Variants in PRTG observed in about 807,000 individuals in gnomAD.
PRTG encodes protogenin.
PRTG carries 67 observed loss-of-function variants against 122.5 expected under a neutral mutation model. The ratio of observed to expected loss-of-function variants is 0.55; its 90% CI spans 0.45 to 0.67. PRTG has a LOEUF of 0.67. PRTG is among the 30% of genes least tolerant of loss of function. The pLI is 0.00. For synonymous variants in PRTG, 554 were observed against 501.1 expected (o/e 1.11, Z -1.41); for missense variants, 1,435 against 1,415.4 (o/e 1.01, Z -0.22).
intron 11 of PRTG, 122 bp downstream of exon 11, chr15:55,672,323 A>C: frequency 2.5e-6 from 2 of 789,662 alleles, no homozygotes; most frequent in Admixed American, 2.6e-5. Flanking sequence ...ACACTGACAT[A>C]GTAAAATCAA....
chr15:55,702,581 C>T (rs2029932983), intron 2 of PRTG, among the ~76,000 whole-genome samples: 1 of 152,114 alleles, frequency 6.6e-6, no homozygotes, highest in South Asian at 2.1e-4. Context: ...GTTTAAATTA[C>T]TTTATAACAC....
chr15:55,679,531 A>G (rs1416332097), intron 6 of PRTG, 86 bp from the exon 7 acceptor site: 3 of 996,274 alleles, frequency 3.0e-6, no homozygotes, highest in African/African-American at 3.3e-5. Flanking sequence ...CAAATGAAAC[A>G]AGCCCCATTC....
chr15:55,680,677 T>C (rs377215088), intron 4 of PRTG, 49 bp from the exon 5 acceptor site: 43 of 1,249,046 alleles, frequency 3.4e-5, no homozygotes, highest in Non-Finnish European at 4.6e-5. Flanking sequence ...AAATAAGATA[T>C]AATAAGTGAA....
chr15:55,649,487 TA>T (rs2059342027), intron 11 of PRTG, among the ~76,000 whole-genome samples: 1 of 151,858 alleles, frequency 6.6e-6, no homozygotes, highest in African/African-American at 2.4e-5. Context: ...AATATACTAA[TA>T]AAAATATCAA....
At chr15:55,690,551 T>A (rs1053685224) in intron 2 of PRTG, among the ~76,000 whole-genome samples, 2 of 152,200 alleles carry the variant, frequency 1.3e-5, no homozygotes, top group Non-Finnish European at 1.5e-5. Context: ...ATCTGGAACT[T>A]TTTTAGCACT....
At chr15:55,646,259 G>A (rs957475648) in intron 11 of PRTG, among the ~76,000 whole-genome samples, 5 of 143,938 alleles carry the variant, frequency 3.5e-5, no homozygotes, top group Non-Finnish European at 7.5e-5. Context: ...TGATTCACCC[G>A]CCTTGGCCTC....
At chr15:55,706,795 C>A (rs996339610) in intron 2 of PRTG, among the ~76,000 whole-genome samples, 1 of 151,776 alleles carries the variant, frequency 6.6e-6, no homozygotes, top group East Asian at 1.9e-4. Flanking sequence ...AGAGGGAGAG[C>A]GAGGCAGGGT....
At chr15:55,666,177 G>A (rs1470869160) in intron 11 of PRTG, among the ~76,000 whole-genome samples, 1 of 152,208 alleles carries the variant, frequency 6.6e-6, no homozygotes, top group Non-Finnish European at 1.5e-5. Context: ...TCAGTTTCTG[G>A]TGAGGGCTTT....
intron 13 of PRTG, 55 bp downstream of exon 13, chr15:55,639,587 A>C: frequency 6.8e-7 from 1 of 1,477,322 alleles, no homozygotes. Flanking sequence ...TAGAAGTTGG[A>C]GTGGGGGTGT....
chr15:55,625,331 A>T (rs2141713667), intron 17 of PRTG, among the ~76,000 whole-genome samples: 1 of 152,378 alleles, frequency 6.6e-6, no homozygotes, highest in East Asian at 1.9e-4. Flanking sequence ...TGTCTAGAGA[A>T]TCCCACCATA....
chr15:55,691,927 C>T (rs1228054130), intron 2 of PRTG, among the ~76,000 whole-genome samples: 1 of 151,932 alleles, frequency 6.6e-6, no homozygotes, highest in African/African-American at 2.4e-5. Flanking sequence ...GTCCCAGCTA[C>T]TCAGGCAGCT....
chr15:55,640,989 G>T, intron 12 of PRTG, 124 bp downstream of exon 12: 1 of 700,712 alleles, frequency 1.4e-6, no homozygotes, highest in Non-Finnish European at 2.5e-6. Flanking sequence ...ACGCTATACA[G>T]CACAGAGGAT....
intron 2 of PRTG, chr15:55,738,369 C>A (rs574794151): frequency 3.2e-6 from 2 of 626,594 alleles, no homozygotes; most frequent in Non-Finnish European, 5.7e-6. Context: ...CTGTGTTTTT[C>A]CAAAAGTGTT....
At chr15:55,727,950 C>T (rs999062184) in intron 2 of PRTG, among the ~76,000 whole-genome samples, 1 of 152,060 alleles carries the variant, frequency 6.6e-6, no homozygotes, top group Non-Finnish European at 1.5e-5. Flanking sequence ...CTATAACTTC[C>T]GCCTCCCAGG....
chr15:55,723,284 TTAAGA>T (rs1373685153), intron 2 of PRTG, among the ~76,000 whole-genome samples: 3 of 151,764 alleles, frequency 2.0e-5, no homozygotes, highest in South Asian at 2.1e-4. Context: ...CCTAAATAAC[TTAAGA>T]TAATAGTATA....
At chr15:55,638,879 A>G (rs2059273168) in intron 13 of PRTG, among the ~76,000 whole-genome samples, 1 of 152,230 alleles carries the variant, frequency 6.6e-6, no homozygotes, top group Admixed American at 6.5e-5. Flanking sequence ...AAATAAGCCT[A>G]CTAGTTGCCT....
At chr15:55,646,607 C>G (rs1265122205) in intron 11 of PRTG, among the ~76,000 whole-genome samples, 1 of 152,192 alleles carries the variant, frequency 6.6e-6, no homozygotes, top group Admixed American at 6.5e-5. Context: ...CAGGCGTGAG[C>G]CACTGCACCC....
At chr15:55,632,630 C>T (rs549754225) in intron 15 of PRTG, among the ~76,000 whole-genome samples, 1 of 152,322 alleles carries the variant, frequency 6.6e-6, no homozygotes, top group East Asian at 1.9e-4. Context: ...CATGCCAATG[C>T]ACACTTCTGC....
chr15:55,698,319 C>A (rs1273563559), intron 2 of PRTG, among the ~76,000 whole-genome samples: 1 of 152,094 alleles, frequency 6.6e-6, no homozygotes, highest in African/African-American at 2.4e-5. Context: ...TAGACAGGGT[C>A]TCTCTCTGTC....
Sources: gnomAD v4.1 joint callset for allele counts (sites outside exome capture counted in the v4.1 genomes callset) on GRCh38, gnomAD v4.1.1 for gene constraint, MANE v1.5 for transcripts, NCBI Gene and HGNC (gene_info 2026-07-23, HGNC 2026-07-21) for gene names.